Variants in ZNF385B observed in about 807,000 individuals in gnomAD.
ZNF385B encodes the protein zinc finger protein 385B, also known as zinc finger protein 533.
A neutral mutation model predicts 39.2 loss-of-function variants in ZNF385B; 23 were observed. The ratio of observed to expected loss-of-function variants is 0.59; its 90% CI spans 0.42 to 0.83. ZNF385B has a LOEUF of 0.83. Among genes scored for constraint, ZNF385B ranks in the 40% least tolerant of loss-of-function variants. The pLI, the probability that ZNF385B is intolerant of heterozygous loss-of-function variation, is 0.00. For synonymous variants in ZNF385B, 205 were observed against 222.6 expected (o/e 0.92, Z 0.70); for missense variants, 552 against 598.9 (o/e 0.92, Z 0.82).
intron 1 of ZNF385B, among the ~76,000 whole-genome samples, chr2:179,781,335 A>G (rs1704651502): frequency 6.6e-6 from 1 of 152,146 alleles, no homozygotes; most frequent in Non-Finnish European, 1.5e-5. Context: ...CCAAACACAC[A>G]CACACACCGA....
At chr2:179,572,110 G>C (rs1205097153) in intron 3 of ZNF385B, among the ~76,000 whole-genome samples, 2 of 152,072 alleles carry the variant, frequency 1.3e-5, no homozygotes, top group African/African-American at 4.8e-5. Context: ...TGTTGAACAG[G>C]ACAGGAGGTG....
intron 3 of ZNF385B, among the ~76,000 whole-genome samples, chr2:179,566,026 C>A (rs550427474): frequency 5.3e-5 from 8 of 152,284 alleles, no homozygotes; most frequent in African/African-American, 1.9e-4. Context: ...TTGTCTAGGG[C>A]CCTGCCCAGA....
chr2:179,807,929 A>AGAAGGAAG (rs1553538062), intron 1 of ZNF385B, among the ~76,000 whole-genome samples: 34 of 116,520 alleles, frequency 2.9e-4, no homozygotes, highest in African/African-American at 9.0e-4. Flanking sequence ...AAAGAAAGAA[A>AGAAGGAAG]GAAGGAAGGA....
chr2:179,859,684 T>G (rs1684885716), intron 1 of ZNF385B, among the ~76,000 whole-genome samples: 1 of 152,196 alleles, frequency 6.6e-6, no homozygotes, highest in Non-Finnish European at 1.5e-5. Context: ...CCACAAATAT[T>G]TAATTTATGG....
At chr2:179,781,328 A>AAC (rs1287289171) in intron 1 of ZNF385B, among the ~76,000 whole-genome samples, 4 of 152,014 alleles carry the variant, frequency 2.6e-5, no homozygotes, top group Admixed American at 1.3e-4. Flanking sequence ...GAAGAGTCCA[A>AAC]ACACACACAC....
chr2:179,845,221 A>C (rs1201696079), intron 1 of ZNF385B, among the ~76,000 whole-genome samples: 1 of 152,208 alleles, frequency 6.6e-6, no homozygotes, highest in Non-Finnish European at 1.5e-5. Flanking sequence ...GGTTTACTTA[A>C]ATATTCAGCC....
intron 5 of ZNF385B, among the ~76,000 whole-genome samples, chr2:179,484,709 T>C (rs114198401): frequency 1.9e-3 from 295 of 152,208 alleles, no homozygotes; most frequent in African/African-American, 6.2e-3. Flanking sequence ...GCTATCCATA[T>C]ACAAGGGTAA....
intron 3 of ZNF385B, among the ~76,000 whole-genome samples, chr2:179,648,692 T>G (rs571074452): frequency 1.9e-4 from 29 of 152,190 alleles, no homozygotes; most frequent in African/African-American, 6.7e-4. Context: ...TGTGAACAGA[T>G]AGCAAGGAAG....
intron 3 of ZNF385B, among the ~76,000 whole-genome samples, chr2:179,622,606 T>A (rs1690309649): frequency 6.6e-6 from 1 of 152,232 alleles, no homozygotes. Flanking sequence ...TTATAGCAGT[T>A]ATTTACTCTG....
At chr2:179,506,862 T>A (rs1477869549) in intron 5 of ZNF385B, among the ~76,000 whole-genome samples, 1 of 152,162 alleles carries the variant, frequency 6.6e-6, no homozygotes, top group African/African-American at 2.4e-5. Flanking sequence ...ATACCACTGA[T>A]AAAGTAAGGA....
At chr2:179,821,611 G>C (rs1707399983) in intron 1 of ZNF385B, among the ~76,000 whole-genome samples, 1 of 152,076 alleles carries the variant, frequency 6.6e-6, no homozygotes, top group Non-Finnish European at 1.5e-5. Context: ...ATCTAAATAA[G>C]AAGCAATTTT....
intron 5 of ZNF385B, among the ~76,000 whole-genome samples, chr2:179,496,613 C>T (rs1243498826): frequency 2.0e-5 from 3 of 152,252 alleles, no homozygotes; most frequent in Middle Eastern, 3.4e-3. Context: ...AAATCACATA[C>T]AACAGAGCTC....
chr2:179,513,905 C>G (rs2057883487), intron 5 of ZNF385B, among the ~76,000 whole-genome samples: 1 of 152,178 alleles, frequency 6.6e-6, no homozygotes, highest in Non-Finnish European at 1.5e-5. Context: ...TATGTCCTAG[C>G]TCTGCCATTT....
intron 1 of ZNF385B, among the ~76,000 whole-genome samples, chr2:179,829,565 G>C (rs1191059938): frequency 2.0e-5 from 3 of 151,978 alleles, no homozygotes; most frequent in Non-Finnish European, 4.4e-5. Flanking sequence ...CCAGGCTGGA[G>C]TGCAGTGGTG....
In ZNF385B at chr2:179,483,437, A is replaced by G; in HGVS notation, c.553-3T>C. On this transcript the variant is annotated splice_polypyrimidine_tract_variant and splice_region_variant and intron_variant, in intron 5 of 9. Coordinates refer to ENST00000410066, the MANE Select transcript of ZNF385B (RefSeq NM_152520.6). ...TTGTAGTGGGCCTCGGCCTGGCTCT[A>G]CAAAGGAGAACAAATCAGGCTCATT... The G allele has an allele frequency of 1.9e-6, 3 of 1,613,736 alleles. No homozygotes were observed. Among genetic ancestry groups the G allele is most frequent in the East Asian group, 2.2e-5 (1 of 44,868 alleles).
In ZNF385B at chr2:179,442,663, T is replaced by TAC. The variant is rs1197527809; in HGVS notation, c.*585_*586dup. ...CAGACAAGAGATACAGATCTAGTAC[T>TAC]ACACAGGATACAGCAGTACTTGGGT... On this transcript the variant is annotated 3_prime_UTR_variant, in exon 10 of 10. Coordinates refer to ENST00000410066, the MANE Select transcript of ZNF385B (RefSeq NM_152520.6). 1.9e-5 allele frequency: 3 copies of TAC among 157,136 alleles called. No individual in the cohort carries two copies. The highest frequency in any genetic ancestry group is 4.3e-5 in the Non-Finnish European group (3 of 70,552). 9.7% of individuals were successfully genotyped at this position (157,136 alleles called of 1,614,324 possible).
At chr2:179,836,508 G>GTTTTTTT in intron 1 of ZNF385B, among the ~76,000 whole-genome samples, 1 of 105,998 alleles carries the variant, frequency 9.4e-6, no homozygotes, top group Non-Finnish European at 1.9e-5. Flanking sequence ...AGGTTCTTGC[G>GTTTTTTT]TTTTCTTTTT....
At chr2:179,656,121 G>A (rs1693734375) in intron 3 of ZNF385B, among the ~76,000 whole-genome samples, 1 of 151,994 alleles carries the variant, frequency 6.6e-6, no homozygotes, top group African/African-American at 2.4e-5. Flanking sequence ...GCCCTTCATG[G>A]ATAATACCTT....
At chr2:179,745,438 G>C (rs1702322223) in intron 3 of ZNF385B, among the ~76,000 whole-genome samples, 1 of 152,148 alleles carries the variant, frequency 6.6e-6, no homozygotes, top group African/African-American at 2.4e-5. Flanking sequence ...TGTTCAGAAT[G>C]TTTAAAATGC....
Sources: allele counts gnomAD v4.1 joint callset (sites outside exome capture counted in the v4.1 genomes callset), GRCh38; gene constraint gnomAD v4.1.1; transcripts MANE v1.5; gene names NCBI Gene and HGNC (gene_info 2026-07-23, HGNC 2026-07-21).